Variants in SORCS3 observed in about 807,000 individuals in gnomAD.
SORCS3 encodes the protein sortilin related VPS10 domain containing receptor 3.
Under a neutral mutation model 146.3 loss-of-function variants are expected in SORCS3, and 57 were observed. The observed-to-expected ratio is 0.39, with a 90% CI of 0.31 to 0.49. The LOEUF is 0.49. SORCS3 is among the 20% of genes least tolerant of loss of function. The probability of loss-of-function intolerance (pLI) is 0.92; values close to 1 mark genes in which losing one functional copy is unlikely to be tolerated. For synonymous variants in SORCS3, 653 were observed against 618.5 expected (o/e 1.06, Z -0.83); for missense variants, 1,341 against 1,575.5 (o/e 0.85, Z 2.52).
At chr10:104,785,937 G>C (rs1018253132) in intron 1 of SORCS3, among the ~76,000 whole-genome samples, 2 of 152,220 alleles carry the variant, frequency 1.3e-5, no homozygotes, top group Non-Finnish European at 2.9e-5. Flanking sequence ...TGGACCTGTG[G>C]TGTTAGTAAT....
intron 3 of SORCS3, among the ~76,000 whole-genome samples, chr10:104,936,307 A>G (rs992600165): frequency 1.2e-4 from 19 of 152,184 alleles, no homozygotes; most frequent in Non-Finnish European, 2.5e-4. Context: ...TAGGGAAGAG[A>G]TGACAAGGAC....
chr10:104,981,345 C>T (rs539380590), intron 4 of SORCS3, among the ~76,000 whole-genome samples: 1 of 152,100 alleles, frequency 6.6e-6, no homozygotes, highest in Non-Finnish European at 1.5e-5. Context: ...TTTAAAAAAG[C>T]AGTGGAAGTA....
At chr10:104,841,512 A>G (rs1178365886) in intron 1 of SORCS3, among the ~76,000 whole-genome samples, 1 of 152,112 alleles carries the variant, frequency 6.6e-6, no homozygotes, top group Admixed American at 6.6e-5. Flanking sequence ...ATAATGGATC[A>G]TATCCCTTGC....
At chr10:104,948,188 C>T (rs1362662115) in intron 3 of SORCS3, among the ~76,000 whole-genome samples, 1 of 152,096 alleles carries the variant, frequency 6.6e-6, no homozygotes, top group African/African-American at 2.4e-5. Flanking sequence ...CTTAAGTGCC[C>T]CTGAGCCCTG....
intron 2 of SORCS3, among the ~76,000 whole-genome samples, chr10:104,911,769 T>G (rs2018971087): frequency 6.6e-6 from 1 of 152,208 alleles, no homozygotes; most frequent in Non-Finnish European, 1.5e-5. Context: ...TGAGCTCTTT[T>G]TTTAACTAGG....
At chr10:105,152,152 T>C (rs1444258643) in intron 9 of SORCS3, among the ~76,000 whole-genome samples, 3 of 152,192 alleles carry the variant, frequency 2.0e-5, no homozygotes, top group Non-Finnish European at 4.4e-5. Context: ...GCCGGTGTGA[T>C]ACATTTTCTT....
chr10:105,151,821 G>A (rs2056169671), intron 9 of SORCS3, among the ~76,000 whole-genome samples: 1 of 152,052 alleles, frequency 6.6e-6, no homozygotes, highest in Non-Finnish European at 1.5e-5. Context: ...TCAAATTCCT[G>A]CTTCAAAGTA....
intron 1 of SORCS3, among the ~76,000 whole-genome samples, chr10:104,781,904 G>A (rs2017378293): frequency 6.6e-6 from 1 of 152,216 alleles, no homozygotes; most frequent in Non-Finnish European, 1.5e-5. Flanking sequence ...TTTGCTCACT[G>A]TGTTCTCCTT....
At chr10:105,171,404 T>A (rs2056358747) in intron 13 of SORCS3, among the ~76,000 whole-genome samples, 1 of 152,138 alleles carries the variant, frequency 6.6e-6, no homozygotes, top group Admixed American at 6.6e-5. Context: ...AGAGATCTGA[T>A]GAAAACTCAC....
intron 7 of SORCS3, among the ~76,000 whole-genome samples, chr10:105,138,648 C>T (rs1158625656): frequency 6.6e-6 from 1 of 152,236 alleles, no homozygotes; most frequent in Non-Finnish European, 1.5e-5. Context: ...GGCTTTTCAG[C>T]AGGCCCTGGC....
At chr10:104,803,739 G>C (rs2017650599) in intron 1 of SORCS3, among the ~76,000 whole-genome samples, 1 of 152,070 alleles carries the variant, frequency 6.6e-6, no homozygotes, top group East Asian at 1.9e-4. Context: ...ATTCACTCAA[G>C]CTCTCACTGC....
intron 7 of SORCS3, among the ~76,000 whole-genome samples, chr10:105,129,332 T>TCTCCCTC (rs10695210): frequency 3.5e-5 from 2 of 57,274 alleles, no homozygotes; most frequent in Admixed American, 1.7e-4. Flanking sequence ...TTTCTTTCTC[T>TCTCCCTC]TTTTTTTTTT....
chr10:104,951,820 C>T (rs142801860), intron 3 of SORCS3, among the ~76,000 whole-genome samples: 1 of 152,262 alleles, frequency 6.6e-6, no homozygotes, highest in African/African-American at 2.4e-5. Flanking sequence ...ATAATTCAGC[C>T]ATTCTCCATC....
intron 4 of SORCS3, among the ~76,000 whole-genome samples, chr10:105,000,918 G>A (rs2055057150): frequency 6.6e-6 from 1 of 152,136 alleles, no homozygotes; most frequent in South Asian, 2.1e-4. Context: ...AAAACACCAT[G>A]GGTCATTATC....
intron 14 of SORCS3, among the ~76,000 whole-genome samples, chr10:105,183,984 G>A (rs762068785): frequency 3.3e-5 from 5 of 152,188 alleles, no homozygotes; most frequent in Admixed American, 6.5e-5. Context: ...GCTTCACTCC[G>A]CTCTGAGCTC....
chr10:104,646,781 T>C (rs1437580247), intron 1 of SORCS3, among the ~76,000 whole-genome samples: 1 of 152,030 alleles, frequency 6.6e-6, no homozygotes, highest in South Asian at 2.1e-4. Context: ...GTGGGAGATA[T>C]AGAATGTGAG....
chr10:105,203,335 T>G (rs1030586986), intron 16 of SORCS3, among the ~76,000 whole-genome samples: 7 of 152,208 alleles, frequency 4.6e-5, no homozygotes, highest in African/African-American at 1.7e-4. Context: ...TTAATCACAA[T>G]TAAGCAAAAA....
rs567950742 is a variant in SORCS3, at chr10:105,220,869, GAACA to G, written c.2735-2240_2735-2237del. 1.8e-3 allele frequency among the ~76,000 whole-genome samples: 271 copies of G among 152,142 alleles called. 2 individuals are homozygous for G. The highest frequency in any genetic ancestry group is 4.6e-3 in the South Asian group (22 of 4,814). ...CACATCTAGTGCCTTTTTACCTCAT[GAACA>G]AACAAATCATACAAAAATAATAACC... On this transcript the variant is annotated intron_variant, in intron 19 of 26. Transcript: ENST00000369701.
chr10:105,118,208 TA>T (rs1264700690), intron 7 of SORCS3, among the ~76,000 whole-genome samples: 1 of 152,130 alleles, frequency 6.6e-6, no homozygotes, highest in Non-Finnish European at 1.5e-5. Context: ...GCTGTTCTCG[TA>T]AAAGTGAGTG....
Sources: allele counts gnomAD v4.1 joint callset (sites outside exome capture counted in the v4.1 genomes callset), GRCh38; gene constraint gnomAD v4.1.1; transcripts MANE v1.5; gene names NCBI Gene and HGNC (gene_info 2026-07-23, HGNC 2026-07-21).